RAPGEF6: variants seen among roughly 807,000 people sequenced by gnomAD.
RAPGEF6 encodes the protein Rap guanine nucleotide exchange factor 6.
A neutral mutation model predicts 171.4 loss-of-function variants in RAPGEF6; 56 were observed. That is an observed-to-expected ratio of 0.33 (90% confidence interval 0.26 to 0.41). RAPGEF6 has a LOEUF of 0.41. Ranked by LOEUF, RAPGEF6 falls within the 10% of genes least tolerant of loss-of-function variation. The probability of loss-of-function intolerance (pLI) is 1.00; values close to 1 mark genes in which losing one functional copy is unlikely to be tolerated. For missense variants in RAPGEF6, 1,674 were observed against 1,921.4 expected (o/e 0.87, Z 2.41); for synonymous variants, 692 against 650.1 (o/e 1.06, Z -0.98).
chr5:131,532,171 G>T, intron 6 of RAPGEF6: 1 of 448,758 alleles, frequency 2.2e-6, no homozygotes, highest in Non-Finnish European at 4.4e-6. Flanking sequence ...GGCTGGAAAG[G>T]GTAGTTTCCT....
Position 131,604,516 on chromosome 5 carries a change from C to G in RAPGEF6, c.140+107G>C, listed in dbSNP as rs561126690. The G allele has an allele frequency of 3.1e-5, 40 of 1,279,912 alleles. No individual in the cohort carries two copies. In the African/African-American group the frequency reaches 6.0e-4, roughly 19 times the overall value. The allele number at this position is 1,279,912 out of a possible 1,614,324, so 79.3% of individuals were successfully genotyped here. ...GGGATCTAATCTATAATGCATATAC[C>G]AAGGGCTTAAAACAATAAGGAATAT... On this transcript the variant is annotated intron_variant, in intron 2 of 27. Coordinates refer to ENST00000509018, the MANE Select transcript of RAPGEF6 (RefSeq NM_016340.6).
At chr5:131,459,486 T>C (rs1187887678) in intron 19 of RAPGEF6, among the ~76,000 whole-genome samples, 1 of 152,144 alleles carries the variant, frequency 6.6e-6, no homozygotes, top group Non-Finnish European at 1.5e-5. Flanking sequence ...CAATTCTTTG[T>C]TCTTAACTAA....
intron 21 of RAPGEF6, among the ~76,000 whole-genome samples, chr5:131,449,151 T>A (rs1015579372): frequency 6.6e-6 from 1 of 152,192 alleles, no homozygotes; most frequent in African/African-American, 2.4e-5. Context: ...TCCACAAAAG[T>A]CATCTCTTTC....
At chr5:131,609,758 G>C (rs948505677) in intron 1 of RAPGEF6, among the ~76,000 whole-genome samples, 1 of 152,198 alleles carries the variant, frequency 6.6e-6, no homozygotes, top group African/African-American at 2.4e-5. Flanking sequence ...TCTCATCCCA[G>C]AACGGCCAGT....
At chr5:131,560,693 A>G (rs1017142209) in intron 5 of RAPGEF6, among the ~76,000 whole-genome samples, 13 of 152,240 alleles carry the variant, frequency 8.5e-5, no homozygotes, top group Non-Finnish European at 1.9e-4. Context: ...AATTCAAGAA[A>G]CATTCACTGA....
intron 3 of RAPGEF6, among the ~76,000 whole-genome samples, chr5:131,594,470 C>A (rs1366640830): frequency 6.6e-6 from 1 of 152,242 alleles, no homozygotes; most frequent in African/African-American, 2.4e-5. Context: ...CATGGAGAAC[C>A]TCCACTAGGG....
chr5:131,431,040 T>G lies in RAPGEF6; in HGVS notation c.4284A>C (p.Leu1428=), dbSNP rs1391417365. 1.9e-5 allele frequency: 30 copies of G among 1,614,084 alleles called. No individual in the cohort carries two copies. The highest frequency in any genetic ancestry group is 2.3e-5 in the Non-Finnish European group (27 of 1,180,038). The change falls in exon 26 of 28, where the codon CTA becomes CTC. Residue 1428 remains leucine, a synonymous_variant. Transcript: ENST00000509018. ...SRTCGQCKGS[L]ERKSWTSSSS... Reference sequence around the variant, plus strand: ...TGGAGGAGGTCCAACTCTTTCTCTCTAGGCTTCCTTTACACTGCCCACAAG... The same window carrying G: ...TGGAGGAGGTCCAACTCTTTCTCTCGAGGCTTCCTTTACACTGCCCACAAG...
At chr5:131,580,772 A>T (rs1423230096) in intron 4 of RAPGEF6, among the ~76,000 whole-genome samples, 1 of 151,826 alleles carries the variant, frequency 6.6e-6, no homozygotes, top group Non-Finnish European at 1.5e-5. Context: ...TCACCTTTTC[A>T]CTTTACATTT....
chr5:131,619,638 C>T (rs926079063), intron 1 of RAPGEF6, among the ~76,000 whole-genome samples: 2 of 152,122 alleles, frequency 1.3e-5, no homozygotes, highest in African/African-American at 2.4e-5. Context: ...TTTTCTGATC[C>T]TACCATGCAT....
At chr5:131,482,019 G>A (rs945122651) in intron 15 of RAPGEF6, among the ~76,000 whole-genome samples, 1 of 152,140 alleles carries the variant, frequency 6.6e-6, no homozygotes, top group African/African-American at 2.4e-5. Flanking sequence ...AATGGATAAA[G>A]CCTTAAGAAT....
rs1233073719 is a variant in RAPGEF6, at chr5:131,461,941, A to G, written c.2628T>C (p.Phe876=). ...TGTACTCAGTCGGTTCAATATTACG[A>G]AACAAATCAAAGTCCCTCATTGACA... ...TQLSMRDFDL[F]RNIEPTEYID... is the part of the protein sequence containing the mutation. Residue 876 remains phenylalanine (F), a synonymous_variant, in exon 19 of 28, where the codon TTT becomes TTC. Coordinates refer to ENST00000509018, the MANE Select transcript of RAPGEF6 (RefSeq NM_016340.6). The G allele has an allele frequency of 6.2e-7, 1 of 1,614,010 alleles. No homozygotes were observed. The highest frequency in any genetic ancestry group is 8.5e-7 in the Non-Finnish European group (1 of 1,180,018).
intron 7 of RAPGEF6, among the ~76,000 whole-genome samples, chr5:131,513,173 C>T (rs566404155): frequency 6.6e-6 from 1 of 152,010 alleles, no homozygotes; most frequent in Non-Finnish European, 1.5e-5. Context: ...TTTTTAAAGA[C>T]AAGTAGTTTT....
At chr5:131,439,080 C>T (rs1752213968) in intron 24 of RAPGEF6, among the ~76,000 whole-genome samples, 1 of 152,040 alleles carries the variant, frequency 6.6e-6, no homozygotes, top group Admixed American at 6.6e-5. Context: ...ACCACCATGC[C>T]TAAGTTTTAA....
intron 5 of RAPGEF6, among the ~76,000 whole-genome samples, chr5:131,558,413 G>C (rs1345330651): frequency 1.3e-5 from 2 of 151,866 alleles, no homozygotes; most frequent in Non-Finnish European, 2.9e-5. Flanking sequence ...AATTTTCTTA[G>C]TCTTTTCTGA....
chr5:131,433,682 C>T (rs752815195), intron 24 of RAPGEF6, 24 bp from the exon 25 acceptor site: 2 of 1,506,962 alleles, frequency 1.3e-6, no homozygotes, highest in South Asian at 2.3e-5. Flanking sequence ...GAGCACTGAT[C>T]AAACTACAAA....
intron 21 of RAPGEF6, among the ~76,000 whole-genome samples, chr5:131,447,988 C>T (rs1752830449): frequency 6.6e-6 from 1 of 152,132 alleles, no homozygotes; most frequent in African/African-American, 2.4e-5. Flanking sequence ...CCTCCAGGGA[C>T]CAAATGATTA....
chr5:131,439,084 G>T (rs1752214138), intron 24 of RAPGEF6, among the ~76,000 whole-genome samples: 1 of 151,994 alleles, frequency 6.6e-6, no homozygotes, highest in Non-Finnish European at 1.5e-5. Context: ...CCATGCCTAA[G>T]TTTTAAATTG....
chr5:131,430,231 T>C (rs1451223537), intron 26 of RAPGEF6, among the ~76,000 whole-genome samples: 1 of 152,066 alleles, frequency 6.6e-6, no homozygotes, highest in Non-Finnish European at 1.5e-5. Flanking sequence ...GTAGAGTCAT[T>C]CCATATAAGT....
At chr5:131,457,702 A>C (rs1335421973) in intron 19 of RAPGEF6, among the ~76,000 whole-genome samples, 3 of 152,148 alleles carry the variant, frequency 2.0e-5, no homozygotes, top group Non-Finnish European at 4.4e-5. Context: ...TTATGTATCC[A>C]CAAGTTCCTC....
Sources: allele counts gnomAD v4.1 joint callset (sites outside exome capture counted in the v4.1 genomes callset), GRCh38; gene constraint gnomAD v4.1.1; transcripts MANE v1.5; gene names NCBI Gene and HGNC (gene_info 2026-07-23, HGNC 2026-07-21).